The following UIMC1 variants were observed in gnomAD, a reference collection of about 807,000 sequenced individuals.
The protein encoded by UIMC1 is ubiquitin interaction motif containing 1.
In UIMC1, 42 loss-of-function variants were observed where a neutral mutation model predicts 84.9. That is an observed-to-expected ratio of 0.49 (90% CI 0.39 to 0.64). The LOEUF (loss-of-function observed/expected upper bound fraction) is 0.64, where lower values mean the gene tolerates loss of function less well. Among genes scored for constraint, UIMC1 ranks in the 30% least tolerant of loss-of-function variants. The pLI is 0.00. For synonymous variants in UIMC1, 281 were observed against 293.0 expected, an observed-to-expected ratio of 0.96 and a Z score of 0.42; for missense variants, 825 against 847.6, an observed-to-expected ratio of 0.97 and a Z score of 0.33.
chr5:176,997,370 A>C (rs777092007), intron 1 of UIMC1, among the ~76,000 whole-genome samples: 5 of 152,060 alleles, frequency 3.3e-5, no homozygotes, highest in Non-Finnish European at 7.4e-5. Flanking sequence ...TTCAACTGCA[A>C]ATCTTAAAGT....
At chr5:176,952,932 T>C (rs1049631198) in intron 8 of UIMC1, among the ~76,000 whole-genome samples, 50 of 152,344 alleles carry the variant, frequency 3.3e-4, no homozygotes, top group African/African-American at 1.1e-3. Flanking sequence ...TGAATGTTTG[T>C]GTACCCCCCG....
At chr5:176,995,536 C>T (rs1361462213) in intron 1 of UIMC1, among the ~76,000 whole-genome samples, 1 of 77,534 alleles carries the variant, frequency 1.3e-5, no homozygotes, top group East Asian at 3.2e-4. Flanking sequence ...GACTCTGTCT[C>T]CAAAAAAAAA....
At chr5:176,997,021 T>A (rs1773706093) in intron 1 of UIMC1, among the ~76,000 whole-genome samples, 2 of 152,116 alleles carry the variant, frequency 1.3e-5, no homozygotes, top group African/African-American at 4.8e-5. Context: ...GGGATCTATG[T>A]GCACGCGTGC....
In UIMC1 at chr5:176,970,724, G is replaced by T; in HGVS notation, c.357+18C>A. 6.2e-7 allele frequency: 1 copy of T among 1,613,812 alleles called. No individual in the cohort carries two copies. Among genetic ancestry groups the T allele is most frequent in the South Asian group, 1.1e-5 (1 of 91,078 alleles). On this transcript the variant is annotated intron_variant, in intron 4 of 14. Coordinates refer to ENST00000511320, the MANE Select transcript of UIMC1 (RefSeq NM_001199298.2). ...AGCTGATCAATCTCCACAAACTTTT[G>T]CAACATGGCATATTTACATTCAGGC...
rs755699734 is a variant in UIMC1 at position 176,975,396 on chromosome 5, G to A, written c.232C>T (p.Gln78Ter). The change falls in exon 3 of 15, where the codon CAG (glutamine) becomes TAG (stop). Residue 78 changes from glutamine to a stop codon, truncating the protein, a stop_gained and splice_region_variant. Transcript: ENST00000511320. LOFTEE classifies it high-confidence loss of function. ...CATTATCAACAAAATGAAAACATAC[G>A]TGCGATTTTTCTTTTGGCCAAACAC... ...AKCLAKRKIA[Q>*]MTEEEQFALA... 7 of 1,613,268 alleles carry A rather than the reference G, an allele frequency of 4.3e-6. No homozygotes were observed. In the East Asian group the frequency reaches 1.3e-4, roughly 31 times the overall value.
chr5:176,938,971 T>C (rs1764072565), intron 10 of UIMC1, among the ~76,000 whole-genome samples: 1 of 149,396 alleles, frequency 6.7e-6, no homozygotes, highest in African/African-American at 2.5e-5. Context: ...AAAAGTGCAA[T>C]GCCAGGCAAG....
intron 1 of UIMC1, among the ~76,000 whole-genome samples, chr5:177,017,532 C>T (rs1010121997): frequency 6.6e-6 from 1 of 152,124 alleles, no homozygotes; most frequent in Non-Finnish European, 1.5e-5. Context: ...GGATTACAGG[C>T]TTCTGCCACC....
rs777024481 is a variant in UIMC1, at chr5:176,908,519, A to G, written c.1848+4T>C. On this transcript the variant is annotated splice_donor_region_variant and intron_variant, in intron 12 of 14. Transcript: ENST00000511320. Reference sequence around the variant, plus strand: ...TGGCCTTTCCCAAAACACTCTACACATACCTTTGGGTTCTTCAGCCTCTGC... The same window carrying G: ...TGGCCTTTCCCAAAACACTCTACACGTACCTTTGGGTTCTTCAGCCTCTGC... 1.9e-6 allele frequency: 3 copies of G among 1,612,996 alleles called. No individual in the cohort carries two copies. Among genetic ancestry groups the G allele is most frequent in the African/African-American group, 1.3e-5 (1 of 75,010 alleles).
chr5:176,969,861 G>A, intron 4 of UIMC1, 155 bp from the exon 5 acceptor site: 1 of 646,362 alleles, frequency 1.5e-6, no homozygotes, highest in Non-Finnish European at 2.7e-6. Context: ...TATGCTGAAT[G>A]TCTATGTGCA....
At chr5:176,992,618 A>C (rs1216864842) in intron 1 of UIMC1, among the ~76,000 whole-genome samples, 1 of 151,638 alleles carries the variant, frequency 6.6e-6, no homozygotes, top group East Asian at 1.9e-4. Context: ...GCAAAATAGC[A>C]AGGCCTTGTC....
At chr5:176,946,164 C>T (rs1052190614) in intron 9 of UIMC1, among the ~76,000 whole-genome samples, 23 of 152,238 alleles carry the variant, frequency 1.5e-4, no homozygotes, top group Non-Finnish European at 1.0e-4. Flanking sequence ...TGACCCGCCC[C>T]GGACCCAGCT....
chr5:176,982,714 T>A, intron 1 of UIMC1, 91 bp from the exon 2 acceptor site: 1 of 1,401,622 alleles, frequency 7.1e-7, no homozygotes, highest in Non-Finnish European at 9.6e-7. Flanking sequence ...AACTTAGTCT[T>A]TTTTTGAGAT....
At chr5:176,979,365 T>A (rs1250752101) in intron 2 of UIMC1, among the ~76,000 whole-genome samples, 2 of 152,096 alleles carry the variant, frequency 1.3e-5, no homozygotes, top group Non-Finnish European at 2.9e-5. Context: ...ACGCCTGTAA[T>A]CCCAACACTT....
At chr5:176,991,210 C>T (rs973277233) in intron 1 of UIMC1, among the ~76,000 whole-genome samples, 10 of 151,678 alleles carry the variant, frequency 6.6e-5, no homozygotes, top group Non-Finnish European at 1.5e-4. Context: ...GGGGTTTCAT[C>T]GTGTTAGCCA....
intron 1 of UIMC1, among the ~76,000 whole-genome samples, chr5:177,004,960 T>G (rs1279517784): frequency 6.6e-6 from 1 of 152,164 alleles, no homozygotes; most frequent in African/African-American, 2.4e-5. Flanking sequence ...TGGAGTGCAG[T>G]AGGGCAATCA....
At chr5:176,941,853 T>C (rs1764478187) in intron 10 of UIMC1, among the ~76,000 whole-genome samples, 1 of 152,196 alleles carries the variant, frequency 6.6e-6, no homozygotes, top group Admixed American at 6.5e-5. Context: ...ACAGACTTTT[T>C]TTTTTTTGAG....
chr5:177,022,385 T>A, intron 1 of UIMC1: 1 of 236,402 alleles, frequency 4.2e-6, no homozygotes, highest in Non-Finnish European at 8.2e-6. Flanking sequence ...TGGGCCTCAG[T>A]TTCCCTGTGA....
chr5:176,915,209 T>C (rs1307312245), intron 10 of UIMC1, among the ~76,000 whole-genome samples: 2 of 151,264 alleles, frequency 1.3e-5, no homozygotes, highest in Admixed American at 1.3e-4. Context: ...TGCAACTTTC[T>C]GAATTCAGAG....
intron 10 of UIMC1, among the ~76,000 whole-genome samples, chr5:176,940,004 C>A (rs1200774152): frequency 6.6e-6 from 1 of 152,128 alleles, no homozygotes; most frequent in Non-Finnish European, 1.5e-5. Context: ...GTCACTGATC[C>A]TGGACACAGC....
Sources: gnomAD v4.1 joint callset for allele counts (sites outside exome capture counted in the v4.1 genomes callset) on GRCh38, gnomAD v4.1.1 for gene constraint, MANE v1.5 for transcripts, NCBI Gene and HGNC (gene_info 2026-07-23, HGNC 2026-07-21) for gene names.